The following P3H2 variants were observed in gnomAD, a reference collection of about 807,000 sequenced individuals.
P3H2 encodes leprecan-like 1.
A neutral mutation model predicts 87.0 loss-of-function variants in P3H2; 80 were observed. The observed-to-expected ratio is 0.92, with a 90% CI of 0.77 to 1.11. The LOEUF is 1.11. Among genes scored for constraint, P3H2 ranks in the 50% least tolerant of loss-of-function variants. The pLI, the probability that P3H2 is intolerant of heterozygous loss-of-function variation, is 0.00. For synonymous variants in P3H2, 367 were observed against 359.3 expected (o/e 1.02, Z -0.24); for missense variants, 1,001 against 923.9 (o/e 1.08, Z -1.08).
chr3:189,974,556 A>G lies in P3H2; in HGVS notation c.1452+2T>C. The stretch of plus-strand genomic sequence containing the variant: ...AGCTCCCCTCCTTCTCCGGATCCTC[A>G]CACTGGCCACGCTGTGGAGCTCCCG... On this transcript the variant is annotated splice_donor_variant, in intron 9 of 14. Transcript: ENST00000319332. LOFTEE classifies it high-confidence loss of function. 6.2e-7 allele frequency: 1 copy of G among 1,613,484 alleles called. No homozygotes were observed. The highest frequency in any genetic ancestry group is 2.2e-5 in the East Asian group (1 of 44,876).
upstream of P3H2, chr3:190,122,267 T>C (rs967732932): frequency 2.6e-5 from 4 of 151,432 alleles, no homozygotes; most frequent in African/African-American, 4.9e-5. Context: ...GGTTGCCAGA[T>C]TCCAAACGAC....
At chr3:190,049,150 C>A (rs1435576835) in intron 1 of P3H2, among the ~76,000 whole-genome samples, 1 of 152,110 alleles carries the variant, frequency 6.6e-6, no homozygotes, top group African/African-American at 2.4e-5. Flanking sequence ...ACTGCATGTT[C>A]ATAAATCTTG....
At chr3:190,107,308 G>A (rs1181016878) in intron 1 of P3H2, among the ~76,000 whole-genome samples, 1 of 152,110 alleles carries the variant, frequency 6.6e-6, no homozygotes, top group African/African-American at 2.4e-5. Context: ...AAGTTATCTC[G>A]ATAAAATAGG....
intron 1 of P3H2, among the ~76,000 whole-genome samples, chr3:190,019,680 C>T (rs1461561906): frequency 7.8e-6 from 1 of 127,456 alleles, no homozygotes; most frequent in Admixed American, 8.2e-5. Flanking sequence ...CTGTCAAAAG[C>T]CTCATTTATA....
intron 1 of P3H2, among the ~76,000 whole-genome samples, chr3:190,099,411 G>A (rs1258021769): frequency 1.3e-5 from 2 of 152,180 alleles, no homozygotes; most frequent in Admixed American, 6.5e-5. Flanking sequence ...TGGACAACGG[G>A]TATATATGCA....
chr3:189,967,606 A>G (rs541096848), intron 13 of P3H2, among the ~76,000 whole-genome samples: 2 of 151,868 alleles, frequency 1.3e-5, no homozygotes, highest in Non-Finnish European at 2.9e-5. Flanking sequence ...CAGAAGTGCA[A>G]AAAACCTTCT....
chr3:190,031,437 A>G (rs1725247925), intron 1 of P3H2, among the ~76,000 whole-genome samples: 3 of 55,766 alleles, frequency 5.4e-5, no homozygotes, highest in Admixed American at 4.7e-4. Context: ...CAGGAGTTCG[A>G]GACGAGTCTG....
rs1216004834 is a variant in P3H2, at chr3:189,971,975, G to A, written c.1732C>T (p.Pro578Ser). Residue 578 changes from proline (P) to serine (S), a missense_variant, in exon 12 of 15, where the codon CCC becomes TCC. Pro to Ser is a moderately conservative substitution (Grantham distance 74). Transcript: ENST00000319332. The part of the protein sequence containing the change: ...QQDRRNDLSH[P>S]IHADNCLLDP... ...AACAAACAGTTGTCAGCATGGATGG[G>A]ATGACTGAGGTCATTTCTTCTATCC... 3 of 1,613,066 alleles carry A rather than the reference G, an allele frequency of 1.9e-6. No homozygotes were observed. The South Asian group carries it at 3.3e-5, about 18-fold the overall frequency.
In P3H2 at chr3:189,974,419, A is replaced by G. The variant is rs933048640; in HGVS notation, c.1452+139T>C. On this transcript the variant is annotated intron_variant, in intron 9 of 14. Transcript: ENST00000319332. ...ACCCAAAGGCTATAAAAGTTCCTCA[A>G]AAATAATTTATGTCTTTCTCCTCAA... 31 of 1,229,308 alleles carry G rather than the reference A, an allele frequency of 2.5e-5. No homozygotes were observed. In the South Asian group the frequency reaches 2.6e-4, roughly 10 times the overall value. 76.2% of individuals were successfully genotyped at this position (1,229,308 alleles called of 1,614,324 possible).
At chr3:190,091,997 C>A (rs2108986239) in intron 1 of P3H2, among the ~76,000 whole-genome samples, 1 of 152,220 alleles carries the variant, frequency 6.6e-6, no homozygotes, top group South Asian at 2.1e-4. Context: ...CTTTGGGAGG[C>A]CGAGGTGGGT....
At chr3:189,988,402 T>G (rs1723771163) in intron 4 of P3H2, among the ~76,000 whole-genome samples, 1 of 151,822 alleles carries the variant, frequency 6.6e-6, no homozygotes, top group Non-Finnish European at 1.5e-5. Context: ...TATGTGTGTG[T>G]GTGCATGTAT....
intron 1 of P3H2, among the ~76,000 whole-genome samples, chr3:190,001,216 G>A (rs1182158532): frequency 6.6e-6 from 1 of 152,220 alleles, no homozygotes; most frequent in Admixed American, 6.5e-5. Flanking sequence ...TTTTGAATAC[G>A]AAATTAAGAA....
intron 1 of P3H2, among the ~76,000 whole-genome samples, chr3:190,032,483 A>C (rs1005028674): frequency 3.3e-5 from 5 of 152,146 alleles, no homozygotes; most frequent in Non-Finnish European, 4.4e-5. Context: ...AGAAGGAGGA[A>C]GAGAAGGATG....
At chr3:190,057,247 T>C (rs577101006) in intron 1 of P3H2, among the ~76,000 whole-genome samples, 2 of 152,146 alleles carry the variant, frequency 1.3e-5, no homozygotes, top group Non-Finnish European at 2.9e-5. Context: ...AGGGAACTTG[T>C]TAGAAATGCA....
intron 2 of P3H2, 22 bp from the exon 3 acceptor site, chr3:189,994,305 A>C (rs528925041): frequency 3.3e-6 from 4 of 1,230,654 alleles, no homozygotes; most frequent in Admixed American, 3.8e-5. Flanking sequence ...CAGACGGGAA[A>C]AAACAAACAA....
In P3H2 at chr3:189,957,301, T is replaced by C. The variant is rs966838072; in HGVS notation, c.*611A>G. The C allele has an allele frequency of 2.5e-6, 1 of 400,046 alleles. No homozygotes were observed. The highest frequency in any genetic ancestry group is 4.4e-6 in the Non-Finnish European group (1 of 227,448). The allele number at this position is 400,046 out of a possible 1,614,324, so 24.8% of individuals were successfully genotyped here. On this transcript the variant is annotated 3_prime_UTR_variant, in exon 15 of 15. Coordinates refer to ENST00000319332, the MANE Select transcript of P3H2 (RefSeq NM_018192.4). ...GCTCATGGCCGTTAGCACCTAAGGA[T>C]GTGGCTGAAAGGCACAGAGCAAGAA...
chr3:190,080,980 T>C (rs559993130), intron 1 of P3H2, among the ~76,000 whole-genome samples: 1 of 152,252 alleles, frequency 6.6e-6, no homozygotes, highest in African/African-American at 2.4e-5. Context: ...ACCATGTTTA[T>C]GTGAACAGCT....
At chr3:190,023,068 C>G (rs747992484) in intron 1 of P3H2, among the ~76,000 whole-genome samples, 104 of 152,156 alleles carry the variant, frequency 6.8e-4, no homozygotes, top group Admixed American at 1.2e-3. Context: ...CCTCACGATC[C>G]GCCCGCCTTG....
chr3:190,046,055 A>G lies in P3H2; in HGVS notation c.481-50613T>C, dbSNP rs547526824. ...GGAGAATGGCGTGAACCCGGGAGGC[A>G]GAGCTTGCAGTGAGCTGAGATCGCA... is the stretch of plus-strand genomic sequence containing the variant. On this transcript the variant is annotated intron_variant, in intron 1 of 14. Coordinates refer to ENST00000319332, the MANE Select transcript of P3H2 (RefSeq NM_018192.4). Among the ~76,000 whole-genome samples, 139 of 151,702 alleles carry G rather than the reference A, an allele frequency of 9.2e-4. 1 individual carries two copies. The highest frequency in any genetic ancestry group is 7.7e-4 in the Non-Finnish European group (52 of 67,906).
Sources: gnomAD v4.1 joint callset for allele counts (sites outside exome capture counted in the v4.1 genomes callset) on GRCh38, gnomAD v4.1.1 for gene constraint, MANE v1.5 for transcripts, NCBI Gene and HGNC (gene_info 2026-07-23, HGNC 2026-07-21) for gene names.